DSTYK: variants seen among roughly 807,000 people sequenced by gnomAD.
The protein encoded by DSTYK is RIP-homologous kinase.
Under a neutral mutation model 98.7 loss-of-function variants are expected in DSTYK, and 34 were observed. That is an observed-to-expected ratio of 0.34 (90% CI 0.26 to 0.46). The LOEUF is 0.46. DSTYK is among the 20% of genes least tolerant of loss of function. The pLI is 1.00. For synonymous variants in DSTYK, 462 were observed against 457.3 expected (o/e 1.01, Z -0.13); for missense variants, 962 against 1,181.7 (o/e 0.81, Z 2.73).
At chr1:205,195,451 T>A (rs1658838446) in intron 1 of DSTYK, among the ~76,000 whole-genome samples, 1 of 152,210 alleles carries the variant, frequency 6.6e-6, no homozygotes, top group Admixed American at 6.5e-5. Context: ...TATTTATTTA[T>A]CCTTCCTAAA....
chr1:205,160,642 A>G (rs192321443), intron 7 of DSTYK, among the ~76,000 whole-genome samples: 14 of 152,046 alleles, frequency 9.2e-5, no homozygotes, highest in African/African-American at 3.1e-4. Context: ...GCCCTGTAAC[A>G]TTCTTCATTG....
chr1:205,159,513 T>G (rs370824586), intron 9 of DSTYK, 34 bp downstream of exon 9: 1 of 1,591,514 alleles, frequency 6.3e-7, no homozygotes. Context: ...AACCCGTGGA[T>G]TTGGCTGCCA....
At position 205,182,237 on chromosome 1, in the gene DSTYK, T is replaced by C. The variant is rs113220994; in HGVS notation, c.654+5181A>G. 8.7e-3 allele frequency among the ~76,000 whole-genome samples: 1,295 copies of C among 148,816 alleles called. 22 individuals carry two copies. Among genetic ancestry groups the C allele is most frequent in the African/African-American group, 0.031 (1,241 of 40,348 alleles). On this transcript the variant is annotated intron_variant, in intron 2 of 12. Transcript: ENST00000367162. ...TCAACATGGTGAAACCCCGCCTCTA[T>C]AAAAAACACAAAAATTAGTCAGGCA... is the stretch of plus-strand genomic sequence containing the variant.
chr1:205,177,649 T>C lies in DSTYK; in HGVS notation c.655-7817A>G, dbSNP rs78339103. 2.0e-4 allele frequency among the ~76,000 whole-genome samples: 31 copies of C among 152,198 alleles called. No homozygotes were observed. In the East Asian group the frequency reaches 5.8e-3, roughly 29 times the overall value. ...TGGGAGGCCAAGGCGGGTGAATCAC[T>C]TAAGGTCAGGAGTTTGAGACCAGCC... On this transcript the variant is annotated intron_variant, in intron 2 of 12. Transcript: ENST00000367162.
Position 205,182,498 on chromosome 1 carries a change from T to TAAAAAAAAAAAA in DSTYK, c.654+4908_654+4919dup, listed in dbSNP as rs386369411. ...TCCCATTGGTTAGAGTTAAAAACGG[T>TAAAAAAAAAAAA]AAAAAAAAAAAAAAAAAAAAAAAAA... On this transcript the variant is annotated intron_variant, in intron 2 of 12. Coordinates refer to ENST00000367162, the MANE Select transcript of DSTYK (RefSeq NM_015375.3). Among the ~76,000 whole-genome samples the TAAAAAAAAAAAA allele has an allele frequency of 7.7e-5, 6 of 77,742 alleles. 1 individual carries two copies. The highest frequency in any genetic ancestry group is 3.3e-4 in the Admixed American group (2 of 6,040). 51.0% of individuals were successfully genotyped at this position (77,742 alleles called of 152,430 possible).
chr1:205,210,894 C>T (rs774682743), intron 1 of DSTYK, among the ~76,000 whole-genome samples: 12 of 152,268 alleles, frequency 7.9e-5, no homozygotes, highest in Non-Finnish European at 1.6e-4. Flanking sequence ...CTCTGACCCA[C>T]AACGGCGCAC....
intron 1 of DSTYK, among the ~76,000 whole-genome samples, chr1:205,204,149 A>G (rs1282529830): frequency 6.6e-6 from 1 of 152,184 alleles, no homozygotes; most frequent in East Asian, 1.9e-4. Flanking sequence ...AGGTAGTGCC[A>G]CATTATACTC....
At chr1:205,179,360 C>T (rs1227333782) in intron 2 of DSTYK, among the ~76,000 whole-genome samples, 1 of 150,466 alleles carries the variant, frequency 6.6e-6, no homozygotes, top group African/African-American at 2.4e-5. Flanking sequence ...GTGGCTCATG[C>T]CTGTACTCCC....
Position 205,147,652 on chromosome 1 carries a change from A to C in DSTYK, c.2696T>G (p.Leu899Trp). 1 of 1,614,222 alleles carries C rather than the reference A, an allele frequency of 6.2e-7. No individual in the cohort carries two copies. Among genetic ancestry groups the C allele is most frequent in the Non-Finnish European group, 8.5e-7 (1 of 1,180,036 alleles). ...CTGGAGCATGGGCTGGACAATGCCCAAGAGAGGCCTCTTCAAGGGGTCGCC... is the reference window on the plus strand; with the variant it reads ...CTGGAGCATGGGCTGGACAATGCCCCAGAGAGGCCTCTTCAAGGGGTCGCC... ...WDGDPLKRPLLGIVQPMLQGI... is the reference protein window; with the variant it reads ...WDGDPLKRPLWGIVQPMLQGI... Residue 899 changes from leucine to tryptophan, a missense_variant, in exon 13 of 13, where the codon TTG becomes TGG. Coordinates refer to ENST00000367162, the MANE Select transcript of DSTYK (RefSeq NM_015375.3).
At chr1:205,152,598 T>C (rs1287297661) in intron 10 of DSTYK, among the ~76,000 whole-genome samples, 1 of 152,218 alleles carries the variant, frequency 6.6e-6, no homozygotes, top group Non-Finnish European at 1.5e-5. Context: ...CCAGGTTCAT[T>C]TCCATTACAG....
intron 11 of DSTYK, 51 bp from the exon 12 acceptor site, chr1:205,148,390 A>C: frequency 6.2e-7 from 1 of 1,603,730 alleles, no homozygotes; most frequent in Admixed American, 1.7e-5. Flanking sequence ...GTCAGGCAGC[A>C]GCATCTACAC....
At chr1:205,204,452 C>CCACACA (rs770525930) in intron 1 of DSTYK, among the ~76,000 whole-genome samples, 1 of 68,634 alleles carries the variant, frequency 1.5e-5, no homozygotes, top group Non-Finnish European at 4.4e-5. Context: ...TCAATGCTCA[C>CCACACA]CATACACACA....
rs1658598181 is a variant in DSTYK at position 205,187,708 on chromosome 1, T to C, written c.364A>G (p.Asn122Asp). The C allele has an allele frequency of 6.2e-7, 1 of 1,614,080 alleles. No individual in the cohort carries two copies. Among genetic ancestry groups the C allele is most frequent in the African/African-American group, 1.3e-5 (1 of 74,920 alleles). The change falls in exon 2 of 13, where the codon AAC becomes GAC. Residue 122 changes from asparagine (N) to aspartate (D), a missense_variant. This residue lies in a region of DSTYK where 660 missense variants were observed against 855.0 expected (regional missense o/e 0.77). Coordinates refer to ENST00000367162, the MANE Select transcript of DSTYK (RefSeq NM_015375.3). The part of the protein sequence containing the change: ...PCILILGQDC[N>D]VKCQLLNLLL... ...AGATTCAACAGCTGGCACTTGACGT[T>C]ACAATCCTGGCCGAGGATCAGTATG...
At position 205,161,405 on chromosome 1, in the gene DSTYK, A is replaced by G. The variant is rs1241595007; in HGVS notation, c.1819-18T>C. On this transcript the variant is annotated intron_variant, in intron 6 of 12. Coordinates refer to ENST00000367162, the MANE Select transcript of DSTYK (RefSeq NM_015375.3). The stretch of plus-strand genomic sequence containing the variant: ...GCTTCCAGCTGGGAGAGAAACAGAA[A>G]AAGTACATATGACTTAAGTCCCTAG... 1.2e-6 allele frequency: 2 copies of G among 1,614,018 alleles called. No homozygotes were observed. Among genetic ancestry groups the G allele is most frequent in the Non-Finnish European group, 1.7e-6 (2 of 1,179,934 alleles).
chr1:205,167,233 TA>T lies in DSTYK; in HGVS notation c.1324+1929del, dbSNP rs112666486. Reference sequence around the variant, plus strand: ...GCCAACATGGTGAAACCCCTGTCTCTAAAAAAAAATACAAAAAGTTAGCTGG... The same window carrying T: ...GCCAACATGGTGAAACCCCTGTCTCTAAAAAAAATACAAAAAGTTAGCTGG... On this transcript the variant is annotated intron_variant, in intron 3 of 12. Transcript: ENST00000367162. Among the ~76,000 whole-genome samples the T allele has an allele frequency of 8.7e-3, 1,302 of 150,302 alleles. 22 individuals are homozygous for T. Among genetic ancestry groups the T allele is most frequent in the African/African-American group, 0.03 (1,246 of 41,046 alleles).
intron 1 of DSTYK, among the ~76,000 whole-genome samples, chr1:205,198,257 G>A (rs11807541): frequency 0.011 from 1,714 of 152,192 alleles, 28 homozygotes; most frequent in African/African-American, 0.039. Context: ...ATTTTGCACT[G>A]CCTGTAGTGG....
chr1:205,203,909 T>C (rs1659124494), intron 1 of DSTYK, among the ~76,000 whole-genome samples: 1 of 152,072 alleles, frequency 6.6e-6, no homozygotes, highest in African/African-American at 2.4e-5. Context: ...AGCGAGACTC[T>C]GTCTCAAAAC....
chr1:205,184,172 A>G (rs1367959482), intron 2 of DSTYK, among the ~76,000 whole-genome samples: 1 of 152,042 alleles, frequency 6.6e-6, no homozygotes, highest in African/African-American at 2.4e-5. Context: ...GGGAAGACAC[A>G]TGCTCAGATA....
intron 9 of DSTYK, among the ~76,000 whole-genome samples, chr1:205,158,665 C>A (rs1657627568): frequency 6.6e-6 from 1 of 152,218 alleles, no homozygotes; most frequent in Non-Finnish European, 1.5e-5. Context: ...AGTGTCCTTA[C>A]CGGCCTTCGA....
Sources: allele counts gnomAD v4.1 joint callset (sites outside exome capture counted in the v4.1 genomes callset), GRCh38; gene constraint gnomAD v4.1.1; regional missense constraint gnomAD v4.1.1; transcripts MANE v1.5; gene names NCBI Gene and HGNC (gene_info 2026-07-23, HGNC 2026-07-21).